The following BICD1 variants were observed in gnomAD, a reference collection of about 807,000 sequenced individuals.
The protein encoded by BICD1 is BICD cargo adaptor 1.
A neutral mutation model predicts 92.5 loss-of-function variants in BICD1; 35 were observed. The observed-to-expected ratio is 0.38, with a 90% CI of 0.29 to 0.50. BICD1 has a LOEUF of 0.50. Ranked by LOEUF, BICD1 falls within the 20% of genes least tolerant of loss-of-function variation. BICD1 has a pLI of 0.93. For synonymous variants in BICD1, 429 were observed against 465.1 expected (o/e 0.92, Z 1.00); for missense variants, 950 against 1,189.8 (o/e 0.80, Z 2.97).
chr12:32,199,956 C>T (rs1204041394), intron 1 of BICD1, among the ~76,000 whole-genome samples: 1 of 152,170 alleles, frequency 6.6e-6, no homozygotes, highest in East Asian at 1.9e-4. Context: ...GCTTTCGTTA[C>T]ATTCCAGCCT....
intron 1 of BICD1, among the ~76,000 whole-genome samples, chr12:32,202,175 G>C (rs1303802332): frequency 6.6e-6 from 1 of 152,346 alleles, no homozygotes; most frequent in Admixed American, 6.5e-5. Context: ...AGGAAGCATG[G>C]ACAGCTGCCA....
Position 32,107,513 on chromosome 12 carries a change from G to A in BICD1, c.182G>A (p.Ser61Asn), listed in dbSNP as rs1941527481. The change falls in exon 1 of 10, where the codon AGC (serine) becomes AAC (asparagine). Residue 61 changes from serine to asparagine, a missense_variant. Physicochemically the swap from Ser to Asn is conservative, Grantham distance 46. This residue lies in a region of BICD1 where 202 missense variants were observed against 205.3 expected (regional missense o/e 0.98). Transcript: ENST00000652176. ...QYDELEAEYD[S>N]LKQELEQLKE... ...GATGAACTGGAGGCTGAGTACGACA[G>A]CCTCAAACAGGAGCTGGAGCAGCTC... The A allele has an allele frequency of 6.2e-7, 1 of 1,601,454 alleles. No individual in the cohort carries two copies. The highest frequency in any genetic ancestry group is 1.7e-5 in the Admixed American group (1 of 57,662).
chr12:32,139,951 G>A (rs1011492942), intron 1 of BICD1, among the ~76,000 whole-genome samples: 1 of 152,158 alleles, frequency 6.6e-6, no homozygotes, highest in African/African-American at 2.4e-5. Context: ...TATACCAGCC[G>A]AGAAGCAGCA....
At chr12:32,201,206 T>A (rs1470516548) in intron 1 of BICD1, among the ~76,000 whole-genome samples, 1 of 152,222 alleles carries the variant, frequency 6.6e-6, no homozygotes, top group Non-Finnish European at 1.5e-5. Flanking sequence ...TCTCTGAGCT[T>A]CCAGCTAGAA....
At chr12:32,205,029 T>C (rs973574794) in intron 1 of BICD1, among the ~76,000 whole-genome samples, 1 of 152,212 alleles carries the variant, frequency 6.6e-6, no homozygotes, top group Admixed American at 6.5e-5. Context: ...TTTAAGAAGT[T>C]GTATAGTGCC....
At chr12:32,357,001 A>C (rs988484741) in intron 8 of BICD1, among the ~76,000 whole-genome samples, 5 of 147,500 alleles carry the variant, frequency 3.4e-5, no homozygotes, top group African/African-American at 1.2e-4. Flanking sequence ...ATTCGAATGC[A>C]GATTCTCCTG....
At chr12:32,265,156 G>A (rs575807287) in intron 2 of BICD1, among the ~76,000 whole-genome samples, 61 of 151,856 alleles carry the variant, frequency 4.0e-4, no homozygotes, top group African/African-American at 1.4e-3. Context: ...CCAAGCAGAA[G>A]GCCCAGGTGT....
At chr12:32,225,094 C>T (rs1186363749) in intron 2 of BICD1, among the ~76,000 whole-genome samples, 1 of 152,198 alleles carries the variant, frequency 6.6e-6, no homozygotes. Flanking sequence ...GTCAGTGCTA[C>T]TCTTTGTAGT....
intron 2 of BICD1, among the ~76,000 whole-genome samples, chr12:32,246,858 A>G (rs1000356780): frequency 1.3e-5 from 2 of 152,130 alleles, no homozygotes; most frequent in African/African-American, 4.8e-5. Flanking sequence ...TAAACATAGT[A>G]CTGTGCTGTC....
intron 8 of BICD1, among the ~76,000 whole-genome samples, chr12:32,355,721 G>A (rs1423587774): frequency 1.3e-5 from 2 of 151,966 alleles, no homozygotes; most frequent in Non-Finnish European, 2.9e-5. Context: ...AGAATCACTT[G>A]AACCTGGGAG....
chr12:32,191,129 G>A (rs550869412), intron 1 of BICD1, among the ~76,000 whole-genome samples: 35 of 152,088 alleles, frequency 2.3e-4, no homozygotes, highest in South Asian at 1.7e-3. Flanking sequence ...GCCTACATTC[G>A]GAAGAAAGAT....
chr12:32,169,252 T>C (rs1943863388), intron 1 of BICD1, among the ~76,000 whole-genome samples: 1 of 152,216 alleles, frequency 6.6e-6, no homozygotes, highest in African/African-American at 2.4e-5. Flanking sequence ...ATTTACCTAC[T>C]CTGATACTTA....
intron 2 of BICD1, among the ~76,000 whole-genome samples, chr12:32,220,675 A>T (rs1945490098): frequency 6.7e-6 from 1 of 149,584 alleles, no homozygotes; most frequent in Non-Finnish European, 1.5e-5. Flanking sequence ...CCCTTGTGGA[A>T]GTCAGTGTGG....
intron 2 of BICD1, among the ~76,000 whole-genome samples, chr12:32,234,251 T>C (rs1268549865): frequency 6.6e-6 from 1 of 152,208 alleles, no homozygotes; most frequent in Non-Finnish European, 1.5e-5. Context: ...AAAAGTACTT[T>C]TTTAGAAATA....
intron 1 of BICD1, among the ~76,000 whole-genome samples, chr12:32,204,520 A>T (rs948302852): frequency 6.6e-6 from 1 of 152,170 alleles, no homozygotes; most frequent in Non-Finnish European, 1.5e-5. Flanking sequence ...AGAGTCACAA[A>T]CAGGAATCCT....
chr12:32,197,148 A>G (rs1444970256), intron 1 of BICD1, among the ~76,000 whole-genome samples: 1 of 151,818 alleles, frequency 6.6e-6, no homozygotes, highest in Non-Finnish European at 1.5e-5. Context: ...AGCTGGGATT[A>G]CAGGCATACT....
chr12:32,170,110 C>T (rs1318219502), intron 1 of BICD1, among the ~76,000 whole-genome samples: 2 of 152,174 alleles, frequency 1.3e-5, no homozygotes, highest in South Asian at 2.1e-4. Context: ...CAAATAATTC[C>T]CTTCTCTGAG....
At chr12:32,108,874 A>G (rs1941591078) in intron 1 of BICD1, 4 of 510,240 alleles carry the variant, frequency 7.8e-6, no homozygotes, top group Non-Finnish European at 1.4e-5. Flanking sequence ...TCTGGTCTTA[A>G]CAACAGCTGG....
chr12:32,249,256 G>A (rs1592553733), intron 2 of BICD1, among the ~76,000 whole-genome samples: 1 of 152,234 alleles, frequency 6.6e-6, no homozygotes. Flanking sequence ...GGGAGCAGAT[G>A]TGGGATGGAA....
Sources: gnomAD v4.1 joint callset for allele counts (sites outside exome capture counted in the v4.1 genomes callset) on GRCh38, gnomAD v4.1.1 for gene constraint, gnomAD v4.1.1 regional missense constraint, MANE v1.5 for transcripts, NCBI Gene and HGNC (gene_info 2026-07-23, HGNC 2026-07-21) for gene names.